Variants in STXBP5L observed in about 807,000 individuals in gnomAD.
STXBP5L encodes syntaxin-binding protein 5-like.
STXBP5L carries 65 observed loss-of-function variants against 144.5 expected under a neutral mutation model. The ratio of observed to expected loss-of-function variants is 0.45; its 90% CI spans 0.37 to 0.55. The LOEUF (loss-of-function observed/expected upper bound fraction) is 0.55. Ranked by LOEUF, STXBP5L falls within the 20% of genes least tolerant of loss-of-function variation. The pLI is 0.00. For synonymous variants in STXBP5L, 505 were observed against 469.6 expected (o/e 1.08, Z -0.97); for missense variants, 1,298 against 1,405.5 (o/e 0.92, Z 1.22).
intron 3 of STXBP5L, among the ~76,000 whole-genome samples, chr3:120,981,952 G>A (rs114781125): frequency 0.016 from 2,361 of 152,294 alleles, 23 homozygotes; most frequent in Middle Eastern, 0.037. Context: ...CTTGGTTATA[G>A]ATAGCCTTTG....
chr3:120,962,369 G>A (rs549789858), intron 3 of STXBP5L, among the ~76,000 whole-genome samples: 1 of 152,128 alleles, frequency 6.6e-6, no homozygotes, highest in Non-Finnish European at 1.5e-5. Context: ...TATCCTGAAT[G>A]GTATTGCCTA....
At chr3:121,354,944 G>T (rs375691948) in intron 20 of STXBP5L, among the ~76,000 whole-genome samples, 1 of 152,096 alleles carries the variant, frequency 6.6e-6, no homozygotes, top group African/African-American at 2.4e-5. Context: ...TTCTCCTTCA[G>T]TTATGAAGCT....
At chr3:121,279,267 G>A (rs2050975854) in intron 18 of STXBP5L, among the ~76,000 whole-genome samples, 2 of 151,718 alleles carry the variant, frequency 1.3e-5, no homozygotes, top group South Asian at 4.2e-4. Flanking sequence ...ACAAAATAAA[G>A]AGCACAAAAG....
In STXBP5L at chr3:121,157,603, C is replaced by T; in HGVS notation, c.853C>T (p.Pro285Ser). Residue 285 changes from proline to serine, a missense_variant, in exon 9 of 27, where the codon CCT becomes TCT. Coordinates refer to ENST00000471454, the MANE Select transcript of STXBP5L (RefSeq NM_001308330.2). The part of the protein sequence containing the change: ...TLWNLKSPSR[P>S]FQTTIPHGKS... ...ATGGAACCTGAAAAGCCCAAGTCGC[C>T]CTTTCCAGACCACAATTCCACATGG... The T allele has an allele frequency of 6.2e-7, 1 of 1,601,430 alleles. No individual in the cohort carries two copies. The highest frequency in any genetic ancestry group is 8.5e-7 in the Non-Finnish European group (1 of 1,174,888).
chr3:121,004,058 TTAAAG>T (rs1014564784), intron 3 of STXBP5L, among the ~76,000 whole-genome samples: 43 of 152,188 alleles, frequency 2.8e-4, no homozygotes, highest in African/African-American at 1.0e-3. Flanking sequence ...CATATGAACT[TTAAAG>T]TAGTTTTTTC....
chr3:121,138,426 C>A (rs2045356169), intron 7 of STXBP5L, among the ~76,000 whole-genome samples: 1 of 152,010 alleles, frequency 6.6e-6, no homozygotes, highest in South Asian at 2.1e-4. Context: ...TTGTATGGAA[C>A]CATAAGAGAC....
intron 7 of STXBP5L, among the ~76,000 whole-genome samples, chr3:121,124,608 ATAT>A (rs1239339463): frequency 3.3e-5 from 5 of 152,138 alleles, no homozygotes; most frequent in East Asian, 1.9e-4. Flanking sequence ...AGATTATCAA[ATAT>A]TATTGATTTT....
intron 19 of STXBP5L, among the ~76,000 whole-genome samples, chr3:121,301,547 T>G (rs1300123106): frequency 6.6e-6 from 1 of 152,180 alleles, no homozygotes; most frequent in African/African-American, 2.4e-5. Flanking sequence ...TTCCTTCTCC[T>G]GCCTAATTGC....
At chr3:121,196,028 G>A (rs745937937) in intron 9 of STXBP5L, among the ~76,000 whole-genome samples, 1 of 151,912 alleles carries the variant, frequency 6.6e-6, no homozygotes, top group African/African-American at 2.4e-5. Context: ...TTGGCTATTT[G>A]GGGTCTTTTG....
chr3:121,224,620 T>C (rs2108294507), intron 11 of STXBP5L, among the ~76,000 whole-genome samples: 1 of 152,264 alleles, frequency 6.6e-6, no homozygotes, highest in South Asian at 2.1e-4. Flanking sequence ...GTATAAATAA[T>C]GTATTAATTT....
At chr3:121,042,646 C>G (rs1395232017) in intron 4 of STXBP5L, among the ~76,000 whole-genome samples, 1 of 152,072 alleles carries the variant, frequency 6.6e-6, no homozygotes, top group Non-Finnish European at 1.5e-5. Flanking sequence ...TTCCTAAGAA[C>G]TTACAATTAT....
At chr3:121,254,059 C>G (rs1485383070) in intron 15 of STXBP5L, among the ~76,000 whole-genome samples, 1 of 152,086 alleles carries the variant, frequency 6.6e-6, no homozygotes, top group African/African-American at 2.4e-5. Flanking sequence ...GTCTTCATTT[C>G]ATGACACTGA....
chr3:121,115,268 G>T (rs2044182917), intron 6 of STXBP5L, among the ~76,000 whole-genome samples: 1 of 151,998 alleles, frequency 6.6e-6, no homozygotes, highest in Non-Finnish European at 1.5e-5. Context: ...AAATAATTAA[G>T]CTTTATATCT....
intron 22 of STXBP5L, among the ~76,000 whole-genome samples, chr3:121,401,893 A>AT (rs1184008868): frequency 1.7e-5 from 1 of 59,662 alleles, no homozygotes; most frequent in Non-Finnish European, 3.3e-5. Context: ...TTAGAGTATA[A>AT]TAAAAAAAAA....
chr3:121,036,772 A>ATT (rs3863971), intron 3 of STXBP5L, among the ~76,000 whole-genome samples: 9,133 of 121,978 alleles, frequency 0.075, 280 homozygotes, highest in Non-Finnish European at 0.083. Flanking sequence ...ACATTGATTG[A>ATT]TTTTTTTTTT....
chr3:121,283,185 C>G (rs1237370480), intron 19 of STXBP5L, among the ~76,000 whole-genome samples: 1 of 151,990 alleles, frequency 6.6e-6, no homozygotes, highest in Non-Finnish European at 1.5e-5. Context: ...TATACACACA[C>G]TCACACATAT....
intron 19 of STXBP5L, among the ~76,000 whole-genome samples, chr3:121,310,768 G>A (rs775454680): frequency 1.3e-5 from 2 of 152,094 alleles, no homozygotes; most frequent in Admixed American, 1.3e-4. Context: ...AATTAGCCAG[G>A]CATGGTGGCC....
intron 2 of STXBP5L, among the ~76,000 whole-genome samples, chr3:120,919,236 T>C (rs1452108509): frequency 2.6e-5 from 4 of 152,132 alleles, no homozygotes; most frequent in African/African-American, 7.2e-5. Flanking sequence ...GCTCTTCTTT[T>C]AAGTGAAAGA....
chr3:121,315,840 A>G (rs1318965612), intron 19 of STXBP5L, among the ~76,000 whole-genome samples: 14 of 151,936 alleles, frequency 9.2e-5, no homozygotes, highest in Non-Finnish European at 1.9e-4. Context: ...TGTCTCTACT[A>G]AAAATATAAA....
Sources: gnomAD v4.1 joint callset for allele counts (sites outside exome capture counted in the v4.1 genomes callset) on GRCh38, gnomAD v4.1.1 for gene constraint, MANE v1.5 for transcripts, NCBI Gene and HGNC (gene_info 2026-07-23, HGNC 2026-07-21) for gene names.